BRINP3: variants seen among roughly 807,000 people sequenced by gnomAD.
The protein encoded by BRINP3 is BMP/retinoic acid inducible neural specific 3.
In BRINP3, 19 loss-of-function variants were observed where a neutral mutation model predicts 71.0. The observed-to-expected ratio is 0.27, with a 90% CI of 0.19 to 0.39. The LOEUF (loss-of-function observed/expected upper bound fraction) is 0.39, where lower values mean the gene tolerates loss of function less well. Among genes scored for constraint, BRINP3 ranks in the 10% least tolerant of loss-of-function variants. The probability of loss-of-function intolerance (pLI) is 1.00; values close to 1 mark genes in which losing one functional copy is unlikely to be tolerated. For synonymous variants in BRINP3, 380 were observed against 337.7 expected (o/e 1.13, Z -1.37); for missense variants, 959 against 940.8 (o/e 1.02, Z -0.25).
intron 2 of BRINP3, among the ~76,000 whole-genome samples, chr1:190,415,652 T>A: frequency 6.6e-6 from 1 of 152,114 alleles, no homozygotes; most frequent in South Asian, 2.1e-4. Flanking sequence ...GTCTGTAAAC[T>A]CAAATAGGGA....
intron 3 of BRINP3, among the ~76,000 whole-genome samples, chr1:190,273,568 AAAAC>A (rs769216005): frequency 6.6e-6 from 1 of 151,608 alleles, no homozygotes. Context: ...AGGGGACAAT[AAAAC>A]AAACAAACAA....
At chr1:190,453,312 C>T (rs547135787) in intron 2 of BRINP3, among the ~76,000 whole-genome samples, 1 of 145,488 alleles carries the variant, frequency 6.9e-6, no homozygotes, top group Admixed American at 7.2e-5. Context: ...GCTCCACCTC[C>T]CGAGTTCAAG....
rs1041779984 is a variant in BRINP3, at chr1:190,296,076, T to TG, written c.237-14327dup. On this transcript the variant is annotated intron_variant, in intron 2 of 7. Transcript: ENST00000367462. ...TTGTTTGCTTTTGTGGTTTTTTTTT[T>TG]GGGGGGGGGCTGGGCTTTTGGTGTT... is the stretch of plus-strand genomic sequence containing the variant. 2.7e-3 allele frequency among the ~76,000 whole-genome samples: 386 copies of TG among 145,564 alleles called. 3 individuals are homozygous for TG. Among genetic ancestry groups the TG allele is most frequent in the African/African-American group, 7.9e-3 (316 of 39,984 alleles).
chr1:190,349,276 A>C (rs560163214), intron 2 of BRINP3, among the ~76,000 whole-genome samples: 1 of 152,188 alleles, frequency 6.6e-6, no homozygotes, highest in South Asian at 2.1e-4. Flanking sequence ...TGAGCCACTA[A>C]ATTTCACCAA....
intron 2 of BRINP3, among the ~76,000 whole-genome samples, chr1:190,381,551 T>C (rs1014777446): frequency 3.9e-5 from 6 of 152,220 alleles, no homozygotes; most frequent in South Asian, 2.1e-4. Flanking sequence ...AACTTTACTA[T>C]AGCTTTAATA....
At chr1:190,240,904 C>T (rs1282871168) in intron 4 of BRINP3, among the ~76,000 whole-genome samples, 3 of 142,614 alleles carry the variant, frequency 2.1e-5, no homozygotes, top group Admixed American at 1.4e-4. Flanking sequence ...AAAAAAACCA[C>T]CCTCAAGGTA....
chr1:190,127,479 C>T (rs1654181151), intron 7 of BRINP3, among the ~76,000 whole-genome samples: 1 of 151,780 alleles, frequency 6.6e-6, no homozygotes, highest in Non-Finnish European at 1.5e-5. Context: ...TAGGTTTCAT[C>T]CTGTCTTTTC....
chr1:190,265,990 C>T (rs987127793), intron 3 of BRINP3, among the ~76,000 whole-genome samples: 13 of 152,148 alleles, frequency 8.5e-5, no homozygotes, highest in Non-Finnish European at 1.9e-4. Flanking sequence ...GCAATTGGTT[C>T]TCAAACGTAA....
chr1:190,105,978 C>T (rs1652126947), intron 7 of BRINP3, among the ~76,000 whole-genome samples: 1 of 151,876 alleles, frequency 6.6e-6, no homozygotes. Context: ...GATTTTCTAT[C>T]AAAGATTACT....
At chr1:190,299,064 CTGTT>C (rs1289385553) in intron 2 of BRINP3, among the ~76,000 whole-genome samples, 1 of 152,116 alleles carries the variant, frequency 6.6e-6, no homozygotes, top group Non-Finnish European at 1.5e-5. Flanking sequence ...GTGACTGTCT[CTGTT>C]AGATTTCTTT....
chr1:190,418,401 G>T (rs1428108012), intron 2 of BRINP3, among the ~76,000 whole-genome samples: 1 of 151,968 alleles, frequency 6.6e-6, no homozygotes, highest in East Asian at 1.9e-4. Flanking sequence ...TTACGTTTGT[G>T]ACCCCGTATT....
chr1:190,223,803 T>G (rs555252496), intron 6 of BRINP3, among the ~76,000 whole-genome samples: 2 of 151,750 alleles, frequency 1.3e-5, no homozygotes, highest in Non-Finnish European at 2.9e-5. Flanking sequence ...TTAAAATTGA[T>G]AAAAACATTC....
intron 6 of BRINP3, among the ~76,000 whole-genome samples, chr1:190,218,685 G>A (rs910972850): frequency 2.6e-5 from 4 of 151,550 alleles, no homozygotes; most frequent in Non-Finnish European, 5.9e-5. Context: ...CTATTTTTCC[G>A]GTCTAACTGA....
chr1:190,303,631 T>C (rs1664886057), intron 2 of BRINP3, among the ~76,000 whole-genome samples: 1 of 151,796 alleles, frequency 6.6e-6, no homozygotes, highest in South Asian at 2.1e-4. Flanking sequence ...GTAAATATTT[T>C]ATAAATTAAG....
intron 4 of BRINP3, among the ~76,000 whole-genome samples, chr1:190,261,601 AT>A (rs1273342836): frequency 1.3e-5 from 2 of 152,064 alleles, no homozygotes; most frequent in African/African-American, 4.8e-5. Flanking sequence ...ATCTAATTAT[AT>A]TTTTGCTGTT....
intron 5 of BRINP3, among the ~76,000 whole-genome samples, chr1:190,232,659 T>G (rs969876785): frequency 5.3e-5 from 8 of 152,284 alleles, no homozygotes; most frequent in African/African-American, 1.9e-4. Flanking sequence ...TTATTCCTTG[T>G]GTTAATTATT....
intron 2 of BRINP3, among the ~76,000 whole-genome samples, chr1:190,353,207 A>G (rs1291794544): frequency 6.6e-6 from 1 of 152,014 alleles, no homozygotes; most frequent in Non-Finnish European, 1.5e-5. Context: ...GAAAAACTAT[A>G]GTAATCTGAG....
intron 7 of BRINP3, among the ~76,000 whole-genome samples, chr1:190,112,146 A>G (rs896065996): frequency 6.6e-6 from 1 of 152,180 alleles, no homozygotes; most frequent in African/African-American, 2.4e-5. Context: ...CAATCAAAAA[A>G]AGTAGTAACA....
chr1:190,385,775 T>G (rs1179433622), intron 2 of BRINP3, among the ~76,000 whole-genome samples: 1 of 151,916 alleles, frequency 6.6e-6, no homozygotes, highest in Non-Finnish European at 1.5e-5. Flanking sequence ...TAAAGACACA[T>G]GCACACATAT....
Sources: gnomAD v4.1 joint callset for allele counts (sites outside exome capture counted in the v4.1 genomes callset) on GRCh38, gnomAD v4.1.1 for gene constraint, MANE v1.5 for transcripts, NCBI Gene and HGNC (gene_info 2026-07-23, HGNC 2026-07-21) for gene names.